KIF23: variants seen among roughly 807,000 people sequenced by gnomAD.
KIF23 encodes kinesin family member 23, also known as kinesin-like protein KIF23.
KIF23 carries 30 observed loss-of-function variants against 137.5 expected under a neutral mutation model. That is an observed-to-expected ratio of 0.22 (90% CI 0.16 to 0.30). KIF23 has a LOEUF of 0.30. Among genes scored for constraint, KIF23 ranks in the 10% least tolerant of loss-of-function variants. KIF23 has a pLI of 1.00. For synonymous variants in KIF23, 367 were observed against 391.1 expected, an observed-to-expected ratio of 0.94 and a Z score of 0.73; for missense variants, 920 against 1,194.3, an observed-to-expected ratio of 0.77 and a Z score of 3.38.
In KIF23 at chr15:69,438,415, G is replaced by A; in HGVS notation, c.1755+10G>A. On this transcript the variant is annotated intron_variant, in intron 16 of 23. Coordinates refer to ENST00000679126, the MANE Select transcript of KIF23 (RefSeq NM_001367805.3). ...AACTTTAGAATATAAGGTTTGTTTT[G>A]ACATTATTATGATAGATGTATGTGC... is the stretch of plus-strand genomic sequence containing the variant. 1 of 1,597,984 alleles carries A rather than the reference G, an allele frequency of 6.3e-7. No homozygotes were observed. Among genetic ancestry groups the A allele is most frequent in the Non-Finnish European group, 8.5e-7 (1 of 1,175,088 alleles).
chr15:69,438,480 C>A, intron 16 of KIF23, 75 bp downstream of exon 16: 1 of 1,361,120 alleles, frequency 7.3e-7, no homozygotes, highest in Admixed American at 2.3e-5. Flanking sequence ...ATATTGTGCT[C>A]CAACGGCCTG....
chr15:69,432,887 G>A (rs1009264298), intron 11 of KIF23, among the ~76,000 whole-genome samples: 1 of 152,142 alleles, frequency 6.6e-6, no homozygotes, highest in African/African-American at 2.4e-5. Context: ...CCAATTACAG[G>A]TACTACTAAT....
intron 3 of KIF23, among the ~76,000 whole-genome samples, chr15:69,419,085 C>T (rs2056988944): frequency 6.6e-6 from 1 of 152,174 alleles, no homozygotes; most frequent in African/African-American, 2.4e-5. Flanking sequence ...CCATTGCACT[C>T]CAGCTTGGGC....
chr15:69,434,279 T>A (rs998086208), intron 11 of KIF23, among the ~76,000 whole-genome samples: 21 of 152,268 alleles, frequency 1.4e-4, no homozygotes, highest in African/African-American at 5.1e-4. Context: ...ACTTTGGCTT[T>A]TTAAATTTCT....
chr15:69,425,231 T>G, intron 7 of KIF23, 51 bp from the exon 8 acceptor site: 1 of 1,403,696 alleles, frequency 7.1e-7, no homozygotes, highest in Non-Finnish European at 9.7e-7. Context: ...AACATGTTGG[T>G]GTGAGATGGC....
chr15:69,430,491 A>G (rs1300398270), intron 11 of KIF23, among the ~76,000 whole-genome samples: 1 of 152,170 alleles, frequency 6.6e-6, no homozygotes, highest in Non-Finnish European at 1.5e-5. Flanking sequence ...TTGTTTGAGT[A>G]GAGTATGATG....
chr15:69,426,265 G>T (rs1209039102), intron 9 of KIF23, 71 bp from the exon 10 acceptor site: 13 of 1,596,112 alleles, frequency 8.1e-6, no homozygotes, highest in Admixed American at 3.6e-5. Context: ...AATTTTTTTT[G>T]ACTTATTAGA....
chr15:69,434,690 G>C, intron 11 of KIF23: 1 of 1,469,598 alleles, frequency 6.8e-7, no homozygotes, highest in South Asian at 1.2e-5. Context: ...CGTTGACCTT[G>C]AGCCAGAGCC....
chr15:69,423,452 G>T (rs146515193), intron 7 of KIF23, 123 bp downstream of exon 7: 9,185 of 629,792 alleles, frequency 0.015, 96 homozygotes, highest in Non-Finnish European at 0.018. Flanking sequence ...AGAATGAAAT[G>T]ATATAATTTG....
Position 69,421,761 on chromosome 15 carries a change from T to A in KIF23, c.316+9T>A. 6.3e-7 allele frequency: 1 copy of A among 1,576,398 alleles called. No homozygotes were observed. The highest frequency in any genetic ancestry group is 8.7e-7 in the Non-Finnish European group (1 of 1,147,680). On this transcript the variant is annotated intron_variant, in intron 4 of 23. Coordinates refer to ENST00000679126, the MANE Select transcript of KIF23 (RefSeq NM_001367805.3). ...CATTCATGGCAAAAATGGTATGATA[T>A]GACTCTTGGAGTTTTGTTAGATTTT...
At chr15:69,429,329 C>T (rs745951030) in intron 11 of KIF23, 116 bp downstream of exon 11, 51 of 697,166 alleles carry the variant, frequency 7.3e-5, no homozygotes, top group Non-Finnish European at 9.6e-5. Context: ...TTTATTGAGA[C>T]GGTCTTACTC....
chr15:69,445,122 G>A, intron 20 of KIF23, 81 bp downstream of exon 20: 1 of 1,315,160 alleles, frequency 7.6e-7, no homozygotes. Flanking sequence ...CTCCTTTGGT[G>A]ACACACAGGT....
chr15:69,434,885 C>G, intron 11 of KIF23: 1 of 732,668 alleles, frequency 1.4e-6, no homozygotes, highest in Non-Finnish European at 2.3e-6. Context: ...CGCGGCCATG[C>G]TTGCCCATCA....
Position 69,436,548 on chromosome 15 carries a change from C to G in KIF23, c.1439-16C>G. On this transcript the variant is annotated splice_polypyrimidine_tract_variant and intron_variant, in intron 14 of 23. Transcript: ENST00000679126. ...CTCCTATGTAACTTTTTGTAATTTTCTATAATTCAATACAGAACCATTGGT... is the reference window on the plus strand; with the variant it reads ...CTCCTATGTAACTTTTTGTAATTTTGTATAATTCAATACAGAACCATTGGT... 6.3e-7 allele frequency: 1 copy of G among 1,580,952 alleles called. No individual in the cohort carries two copies. Among genetic ancestry groups the G allele is most frequent in the Non-Finnish European group, 8.6e-7 (1 of 1,162,968 alleles).
chr15:69,439,773 A>G (rs555101220), intron 16 of KIF23, 131 bp from the exon 17 acceptor site: 13 of 552,898 alleles, frequency 2.4e-5, no homozygotes, highest in Non-Finnish European at 3.5e-5. Flanking sequence ...GAAATGTTAG[A>G]GAAAAAAGTG....
intron 6 of KIF23, among the ~76,000 whole-genome samples, chr15:69,422,679 G>A (rs1343134107): frequency 2.6e-5 from 4 of 152,168 alleles, no homozygotes; most frequent in Non-Finnish European, 5.9e-5. Context: ...AGCCATTGTT[G>A]TGTGTTCGGG....
chr15:69,429,350 G>C, intron 11 of KIF23, 137 bp downstream of exon 11: 1 of 636,708 alleles, frequency 1.6e-6, no homozygotes, highest in South Asian at 2.0e-5. Flanking sequence ...TGTTACCCAG[G>C]ATGGAATGCA....
intron 3 of KIF23, 139 bp downstream of exon 3, chr15:69,417,650 TA>T: frequency 1.1e-6 from 1 of 936,490 alleles, no homozygotes; most frequent in South Asian, 1.7e-5. Context: ...CCACTGTATC[TA>T]AAGTGTTTTT....
chr15:69,434,649 A>G, intron 11 of KIF23: 1 of 1,470,438 alleles, frequency 6.8e-7, no homozygotes, highest in South Asian at 1.1e-5. Context: ...AAAGTCATGG[A>G]GGATGTCTCA....
Sources: allele counts gnomAD v4.1 joint callset (sites outside exome capture counted in the v4.1 genomes callset), GRCh38; gene constraint gnomAD v4.1.1; transcripts MANE v1.5; gene names NCBI Gene and HGNC (gene_info 2026-07-23, HGNC 2026-07-21).